The following HSP90AA1 variants were observed in gnomAD, a reference collection of about 807,000 sequenced individuals.
The protein encoded by HSP90AA1 is heat shock protein HSP 90-alpha.
In HSP90AA1, 18 loss-of-function variants were observed where a neutral mutation model predicts 73.3. That is an observed-to-expected ratio of 0.25 (90% CI 0.17 to 0.36). The LOEUF (loss-of-function observed/expected upper bound fraction) is 0.36, where lower values mean the gene tolerates loss of function less well. HSP90AA1 is among the 10% of genes least tolerant of loss of function. The pLI is 1.00. For synonymous variants in HSP90AA1, 477 were observed against 296.9 expected, an observed-to-expected ratio of 1.61 and a Z score of -6.24; for missense variants, 704 against 874.2, an observed-to-expected ratio of 0.81 and a Z score of 2.45.
rs748328050 is a variant in HSP90AA1 at position 102,084,938 on chromosome 14, CTT to C, written c.722_723del (p.Lys241ArgfsTer16). On this transcript the variant is annotated frameshift_variant, in exon 5 of 11. Coordinates refer to ENST00000216281, the MANE Select transcript of HSP90AA1 (RefSeq NM_005348.4). LOFTEE classifies it high-confidence loss of function. ...SDDEAEEKEDKEEEKEKEEKE... is the reference protein window; with the variant it reads ...SDDEAEEKEDXEEEKEKEEKE... Reference sequence around the variant, plus strand: ...TTCTCTTCTTTTTCTTTTTCTTCTTCTTTGTCTTCCTTTTCTTCAGCCTCATC... The same window carrying C: ...TTCTCTTCTTTTTCTTTTTCTTCTTCTGTCTTCCTTTTCTTCAGCCTCATC... 3 of 1,596,886 alleles carry C rather than the reference CTT, an allele frequency of 1.9e-6. No individual in the cohort carries two copies. Among genetic ancestry groups the C allele is most frequent in the Admixed American group, 1.7e-5 (1 of 59,850 alleles).
At chr14:102,106,020 G>A (rs767558440) in intron 1 of HSP90AA1, among the ~76,000 whole-genome samples, 3 of 151,990 alleles carry the variant, frequency 2.0e-5, no homozygotes, top group Non-Finnish European at 2.9e-5. Context: ...AGGTTGCAGT[G>A]AGCCAAGATG....
intron 4 of HSP90AA1, 150 bp from the exon 5 acceptor site, chr14:102,085,148 T>C (rs530142235): frequency 1.8e-4 from 261 of 1,466,032 alleles, no homozygotes; most frequent in Non-Finnish European, 3.9e-5. Flanking sequence ...ATCCACTTAA[T>C]AGCCCGAGGA....
chr14:102,109,368 A>T (rs1363720116), intron 1 of HSP90AA1, among the ~76,000 whole-genome samples: 1 of 152,134 alleles, frequency 6.6e-6, no homozygotes, highest in African/African-American at 2.4e-5. Context: ...CACAATTCCT[A>T]CATGTTGTGG....
At chr14:102,139,147 G>A in intron 1 of HSP90AA1, 1 of 1,371,560 alleles carries the variant, frequency 7.3e-7, no homozygotes, top group East Asian at 2.3e-5. Context: ...GCAGGAATTA[G>A]GATATCTGGC....
At chr14:102,091,701 A>G (rs998069454), upstream of HSP90AA1, among the ~76,000 whole-genome samples, 1 of 151,600 alleles carries the variant, frequency 6.6e-6, no homozygotes, top group Non-Finnish European at 1.5e-5. Context: ...AACATGGTTC[A>G]CTACACCATC....
intron 1 of HSP90AA1, among the ~76,000 whole-genome samples, chr14:102,123,043 A>G (rs553187514): frequency 6.6e-6 from 1 of 152,310 alleles, no homozygotes; most frequent in East Asian, 1.9e-4. Flanking sequence ...CAAACTGTAA[A>G]TAAAATTCTG....
chr14:102,133,565 C>G (rs1402249517), intron 1 of HSP90AA1, among the ~76,000 whole-genome samples: 4 of 148,590 alleles, frequency 2.7e-5, no homozygotes, highest in Non-Finnish European at 5.9e-5. Context: ...CTCACTGCAA[C>G]CTCCGCCTCC....
intron 1 of HSP90AA1, among the ~76,000 whole-genome samples, chr14:102,106,818 A>G (rs2049575253): frequency 6.6e-6 from 1 of 151,982 alleles, no homozygotes; most frequent in South Asian, 2.1e-4. Context: ...TGCAAGGATT[A>G]CAAGTGTGAG....
intron 1 of HSP90AA1, among the ~76,000 whole-genome samples, chr14:102,112,124 A>G (rs564533431): frequency 6.6e-6 from 1 of 151,524 alleles, no homozygotes; most frequent in Admixed American, 6.6e-5. Flanking sequence ...TTCCTCCTAC[A>G]GTGTTTGGAG....
chr14:102,081,772 A>T lies in HSP90AA1; in HGVS notation c.2139T>A (p.Thr713=). The change falls in exon 11 of 11, where the codon ACT becomes ACA. Residue 713 remains threonine, a synonymous_variant. Transcript: ENST00000216281. The stretch of plus-strand genomic sequence containing the variant: ...CTCCTTCAAGGGGTGGCATTTCTTC[A>T]GTTACAGCAGCACTGGTATCATCAG... ...PTADDTSAAV[T]EEMPPLEGDD... 1 of 1,596,496 alleles carries T rather than the reference A, an allele frequency of 6.3e-7. No homozygotes were observed. Among genetic ancestry groups the T allele is most frequent in the Non-Finnish European group, 8.6e-7 (1 of 1,163,944 alleles).
chr14:102,129,495 A>G (rs1432641567), intron 1 of HSP90AA1, among the ~76,000 whole-genome samples: 5 of 135,234 alleles, frequency 3.7e-5, no homozygotes, highest in Non-Finnish European at 6.2e-5. Flanking sequence ...CTGTCTCTAT[A>G]CTACATTCCT....
At chr14:102,128,575 CCAAGATCGCA>C (rs2049865962) in intron 1 of HSP90AA1, among the ~76,000 whole-genome samples, 1 of 149,486 alleles carries the variant, frequency 6.7e-6, no homozygotes, top group African/African-American at 2.5e-5. Flanking sequence ...TTGCAGTAAG[CCAAGATCGCA>C]CCATTGCACT....
chr14:102,136,086 A>C (rs1279439283), intron 1 of HSP90AA1, among the ~76,000 whole-genome samples: 1 of 152,320 alleles, frequency 6.6e-6, no homozygotes, highest in East Asian at 1.9e-4. Context: ...GTATGACTTA[A>C]ATTGTGTGGG....
intron 8 of HSP90AA1, 38 bp from the exon 9 acceptor site, chr14:102,083,340 GTT>G (rs1189269020): frequency 6.2e-7 from 1 of 1,607,858 alleles, no homozygotes; most frequent in East Asian, 2.2e-5. Context: ...CCTTTTAACA[GTT>G]AAGAATGGTT....
rs903871425 is a variant in HSP90AA1 at position 102,124,674 on chromosome 14, A to C, written c.155+14576T>G. On this transcript the variant is annotated intron_variant, in intron 1 of 11. Transcript: ENST00000334701. ...CTGCCTCAGCCTCCTGATTAGCTGG[A>C]ATTACAGGTGTATACCACCATGCTT... is the stretch of plus-strand genomic sequence containing the variant. Among the ~76,000 whole-genome samples, 9 of 151,988 alleles carry C rather than the reference A, an allele frequency of 5.9e-5. 1 individual carries two copies. Among genetic ancestry groups the C allele is most frequent in the Admixed American group, 1.3e-4 (2 of 15,218 alleles).
intron 1 of HSP90AA1, 83 bp downstream of exon 1, chr14:102,086,903 C>G: frequency 1.2e-6 from 1 of 805,246 alleles, no homozygotes; most frequent in Middle Eastern, 6.3e-4. Flanking sequence ...TCTGGTCCGG[C>G]CCCCACAGCC....
At chr14:102,091,902 C>T (rs1453965879), upstream of HSP90AA1, among the ~76,000 whole-genome samples, 1 of 152,108 alleles carries the variant, frequency 6.6e-6, no homozygotes, top group Non-Finnish European at 1.5e-5. Flanking sequence ...GCTGGGATTA[C>T]AGGTGTGAGC....
chr14:102,090,351 T>G (rs903264131), upstream of HSP90AA1, among the ~76,000 whole-genome samples: 3 of 152,222 alleles, frequency 2.0e-5, no homozygotes, highest in African/African-American at 7.2e-5. Context: ...AGACCACATG[T>G]GCTCCTCTGC....
exon 1 of HSP90AA1, chr14:102,139,549 C>T: frequency 2.4e-6 from 2 of 849,982 alleles, no homozygotes; most frequent in Non-Finnish European, 3.5e-6. Context: ...TCACCTCAGG[C>T]TCATGACACC....
Sources: gnomAD v4.1 joint callset for allele counts (sites outside exome capture counted in the v4.1 genomes callset) on GRCh38, gnomAD v4.1.1 for gene constraint, MANE v1.5 for transcripts, NCBI Gene and HGNC (gene_info 2026-07-23, HGNC 2026-07-21) for gene names.